The following PCDHGA5 variants were observed in gnomAD, a reference collection of about 807,000 sequenced individuals.
The protein encoded by PCDHGA5 is protocadherin gamma-A5.
Under a neutral mutation model 56.7 loss-of-function variants are expected in PCDHGA5, and 36 were observed. The observed-to-expected ratio is 0.64, with a 90% CI of 0.49 to 0.84. The LOEUF (loss-of-function observed/expected upper bound fraction) is 0.84, where lower values mean the gene tolerates loss of function less well. PCDHGA5 is among the 40% of genes least tolerant of loss of function. The pLI is 0.00. For synonymous variants in PCDHGA5, 563 were observed against 520.2 expected, an observed-to-expected ratio of 1.08 and a Z score of -1.12; for missense variants, 1,305 against 1,201.5, an observed-to-expected ratio of 1.09 and a Z score of -1.27.
At chr5:141,395,398 T>A (rs976008795) in intron 1 of PCDHGA5, 8 of 863,662 alleles carry the variant, frequency 9.3e-6, no homozygotes, top group South Asian at 2.0e-5. Context: ...TGAACTCTAA[T>A]AGTCATAGGT....
At chr5:141,384,811 C>A (rs1273757599) in intron 1 of PCDHGA5, 1 of 1,613,338 alleles carries the variant, frequency 6.2e-7, no homozygotes, top group Admixed American at 1.7e-5. Context: ...CAGAGATGCC[C>A]TCAAGCAGAG....
intron 1 of PCDHGA5, chr5:141,395,337 T>G (rs1265011600): frequency 7.0e-7 from 1 of 1,433,514 alleles, no homozygotes; most frequent in African/African-American, 1.4e-5. Context: ...AAATAATTTT[T>G]AAGGTGTATC....
rs998267605 is a variant in PCDHGA5 at position 141,383,657 on chromosome 5, A to T, written c.2421+16906A>T. The stretch of plus-strand genomic sequence containing the variant: ...CCTCAGTACCAAGTAACTGTCCCCG[A>T]GAATGTGCCAGTGGGTACAAGACTG... On this transcript the variant is annotated intron_variant, in intron 1 of 3. Transcript: ENST00000518069. 6 of 1,614,058 alleles carry T rather than the reference A, an allele frequency of 3.7e-6. No homozygotes were observed. In the East Asian group the frequency reaches 1.3e-4, roughly 36 times the overall value.
intron 1 of PCDHGA5, chr5:141,375,224 C>G (rs1771263153): frequency 6.2e-7 from 1 of 1,613,976 alleles, no homozygotes; most frequent in Non-Finnish European, 8.5e-7. Flanking sequence ...CCTGAATGGC[C>G]TGGTAACCTG....
chr5:141,498,523 G>A (rs555386753), intron 2 of PCDHGA5, among the ~76,000 whole-genome samples: 1 of 151,580 alleles, frequency 6.6e-6, no homozygotes, highest in Admixed American at 6.6e-5. Context: ...CTTGCCCACT[G>A]CCCTCCAGCC....
Position 141,432,400 on chromosome 5 carries a change from G to C in PCDHGA5, c.2422-62407G>C, listed in dbSNP as rs139153105. ...ACCCGCCCCTCAGCAGCAACGTGTC[G>C]TTGAGCCTGTTCGTGCTGGACCAGA... is the stretch of plus-strand genomic sequence containing the variant. On this transcript the variant is annotated intron_variant, in intron 1 of 3. Coordinates refer to ENST00000518069, the MANE Select transcript of PCDHGA5 (RefSeq NM_018918.3). This position sits in a 1 kb window ranked among gnomAD's most constrained non-coding sequence, Gnocchi z 6.0. 1.2e-6 allele frequency: 2 copies of C among 1,614,240 alleles called. No individual in the cohort carries two copies. Among genetic ancestry groups the C allele is most frequent in the South Asian group, 2.2e-5 (2 of 91,090 alleles).
At chr5:141,394,112 C>G (rs771784855) in intron 1 of PCDHGA5, 9 of 1,613,946 alleles carry the variant, frequency 5.6e-6, no homozygotes, top group African/African-American at 2.7e-5. Flanking sequence ...CACCTCTGTC[C>G]ACTGAAACTC....
chr5:141,465,056 G>A (rs908104635), intron 1 of PCDHGA5, among the ~76,000 whole-genome samples: 9 of 151,044 alleles, frequency 6.0e-5, no homozygotes, highest in Non-Finnish European at 1.3e-4. Context: ...ATATTTTTTT[G>A]AATTGTCTGT....
chr5:141,450,615 T>C (rs2098687601), intron 1 of PCDHGA5, among the ~76,000 whole-genome samples: 1 of 151,340 alleles, frequency 6.6e-6, no homozygotes, highest in African/African-American at 2.4e-5. Flanking sequence ...GCCTCCTGAG[T>C]AGCTGGGATT....
At chr5:141,494,362 A>T (rs527454959) in intron 1 of PCDHGA5, among the ~76,000 whole-genome samples, 47 of 152,300 alleles carry the variant, frequency 3.1e-4, no homozygotes, top group Admixed American at 8.5e-4. Context: ...GCTGCAGAGG[A>T]TGCTTTGTTC....
chr5:141,510,817 T>C, intron 3 of PCDHGA5, 130 bp from the exon 4 acceptor site: 2 of 1,551,592 alleles, frequency 1.3e-6, no homozygotes, highest in African/African-American at 2.7e-5. Flanking sequence ...GTGACCCCTA[T>C]ATTCCCAGTG....
chr5:141,405,514 A>C, intron 1 of PCDHGA5: 1 of 704,834 alleles, frequency 1.4e-6, no homozygotes, highest in Non-Finnish European at 2.3e-6. Context: ...CCGCCTCCCA[A>C]ATTCAAGCGA....
rs1032814206 is a variant in PCDHGA5, at chr5:141,472,764, T to A, written c.2422-22043T>A. Among the ~76,000 whole-genome samples, 12 of 152,040 alleles carry A rather than the reference T, an allele frequency of 7.9e-5. No individual in the cohort carries two copies. The East Asian group carries it at 2.1e-3, about 27-fold the overall frequency. ...ACTTTGGGAGGCGGAGGCTGGCAGATCACCTGAGGTTGGGAGTTCAAGATC... is the reference window on the plus strand; with the variant it reads ...ACTTTGGGAGGCGGAGGCTGGCAGAACACCTGAGGTTGGGAGTTCAAGATC... On this transcript the variant is annotated intron_variant, in intron 1 of 3. Coordinates refer to ENST00000518069, the MANE Select transcript of PCDHGA5 (RefSeq NM_018918.3).
rs199514730 is a variant in PCDHGA5 at position 141,374,139 on chromosome 5, T to C, written c.2421+7388T>C. 615 of 1,609,262 alleles carry C rather than the reference T, an allele frequency of 3.8e-4. No individual in the cohort carries two copies. Among genetic ancestry groups the C allele is most frequent in the Non-Finnish European group, 4.6e-4 (547 of 1,177,006 alleles). ...AGCGAGCAGGTCCTGCTCCTCACGC[T>C]CCTGGGGACGCTGTGGGGGGCCGCG... On this transcript the variant is annotated intron_variant, in intron 1 of 3. Transcript: ENST00000518069.
At chr5:141,398,611 A>C (rs2093677658) in intron 1 of PCDHGA5, 3 of 1,613,944 alleles carry the variant, frequency 1.9e-6, no homozygotes, top group Non-Finnish European at 2.5e-6. Flanking sequence ...AGATGCAGAT[A>C]TTGGCTTAAA....
At position 141,486,709 on chromosome 5, in the gene PCDHGA5, C is replaced by T; in HGVS notation, c.2422-8098C>T. 6.2e-7 allele frequency: 1 copy of T among 1,614,182 alleles called. No individual in the cohort carries two copies. ...CTTCCTCTTTCATCTCTCTGAACCC[C>T]CAGACAGGAGCTGTTCATGCTACTC... On this transcript the variant is annotated intron_variant, in intron 1 of 3. Coordinates refer to ENST00000518069, the MANE Select transcript of PCDHGA5 (RefSeq NM_018918.3). This position sits in a 1 kb window ranked among gnomAD's most constrained non-coding sequence, Gnocchi z 5.0.
At chr5:141,387,298 A>G (rs2090894771) in intron 1 of PCDHGA5, among the ~76,000 whole-genome samples, 1 of 152,244 alleles carries the variant, frequency 6.6e-6, no homozygotes, top group Admixed American at 6.5e-5. Context: ...AAATGTATCC[A>G]GTATATTTCT....
chr5:141,400,198 G>A (rs559051247), intron 1 of PCDHGA5: 4 of 1,613,926 alleles, frequency 2.5e-6, no homozygotes, highest in Non-Finnish European at 2.5e-6. Flanking sequence ...CCTAGTGGTG[G>A]CCTTGGCCTT....
rs1454034279 is a variant in PCDHGA5, at chr5:141,366,572, G to A, written c.2242G>A (p.Ala748Thr). The change falls in exon 1 of 4, where the codon GCT becomes ACT. Residue 748 changes from alanine to threonine, a missense_variant. Transcript: ENST00000518069. ...SHFVGVDGVR[A>T]FLQTYSHEVS... Reference sequence around the variant, plus strand: ...CTTTGTGGGCGTGGATGGGGTTCGGGCTTTCCTGCAGACCTATTCCCACGA... The same window carrying A: ...CTTTGTGGGCGTGGATGGGGTTCGGACTTTCCTGCAGACCTATTCCCACGA... The A allele has an allele frequency of 1.9e-6, 3 of 1,614,148 alleles. No homozygotes were observed. The highest frequency in any genetic ancestry group is 1.7e-6 in the Non-Finnish European group (2 of 1,180,064).
Sources: gnomAD v4.1 joint callset for allele counts (sites outside exome capture counted in the v4.1 genomes callset) on GRCh38, gnomAD v4.1.1 for gene constraint, Gnocchi (gnomAD v3.1) non-coding constraint, MANE v1.5 for transcripts, NCBI Gene and HGNC (gene_info 2026-07-23, HGNC 2026-07-21) for gene names.